WHR1: variants seen among roughly 807,000 people sequenced by gnomAD.
WHR1 encodes MHC class III HLA-RP1.
chr6:31,975,641 A>AT, the WHR1 span, among the ~76,000 whole-genome samples: 14,741 of 124,800 alleles, frequency 0.12, 1,115 homozygotes, highest in African/African-American at 0.22. Flanking sequence ...TAATTCCACT[A>AT]TTTTTTTTTT....
chr6:31,976,090 AC>A, the WHR1 span, among the ~76,000 whole-genome samples: 1 of 118,794 alleles, frequency 8.4e-6, no homozygotes, highest in African/African-American at 3.3e-5. Flanking sequence ...TGGGGGGCTG[AC>A]CCCCCACCTC....
the WHR1 span, chr6:31,979,071 G>C: frequency 2.7e-6 from 4 of 1,499,594 alleles, no homozygotes; most frequent in Non-Finnish European, 3.7e-6. Context: ...TTGGGAAACA[G>C]AAATAAAAAC....
chr6:31,971,444 G>C, the WHR1 span: 1 of 1,613,500 alleles, frequency 6.2e-7, no homozygotes, highest in Non-Finnish European at 8.5e-7. This position sits in a 1 kb window ranked among gnomAD's most constrained non-coding sequence, Gnocchi z 4.5. Flanking sequence ...TTGGGGCCTG[G>C]ACCGTTAGTG....
chr6:31,972,191 G>T, the WHR1 span: 16 of 1,611,700 alleles, frequency 9.9e-6, no homozygotes, highest in Non-Finnish European at 1.4e-5. The surrounding 1 kb of genome is among the most constrained non-coding windows in gnomAD (Gnocchi z 6.3). Context: ...GCCGGCGTGG[G>T]GCCCGGCCTG....
chr6:31,976,959 A>T, the WHR1 span, among the ~76,000 whole-genome samples: 1 of 152,212 alleles, frequency 6.6e-6, no homozygotes, highest in Non-Finnish European at 1.5e-5. Context: ...CAGGAGAGTC[A>T]GGCAGGGAGG....
chr6:31,973,719 A>T, the WHR1 span, among the ~76,000 whole-genome samples: 1 of 152,182 alleles, frequency 6.6e-6, no homozygotes, highest in Non-Finnish European at 1.5e-5. Flanking sequence ...GGGAAACACC[A>T]TCATTTAAGG....
chr6:31,979,705 G>A, the WHR1 span: 7 of 1,009,192 alleles, frequency 6.9e-6, no homozygotes, highest in Non-Finnish European at 9.9e-6. Context: ...ACCCAAGTTT[G>A]TATTCCTCCC....
the WHR1 span, chr6:31,971,738 G>T: frequency 6.6e-7 from 1 of 1,510,634 alleles, no homozygotes; most frequent in South Asian, 1.2e-5. The surrounding 1 kb of genome is among the most constrained non-coding windows in gnomAD (Gnocchi z 4.5). Context: ...GGAGAAGGAT[G>T]ACTGGTTTAG....
the WHR1 span, chr6:31,972,559 A>C: frequency 6.3e-7 from 1 of 1,595,184 alleles, no homozygotes; most frequent in African/African-American, 1.3e-5. This position sits in a 1 kb window ranked among gnomAD's most constrained non-coding sequence, Gnocchi z 6.3. Context: ...GGTAGCCGAG[A>C]GTTTTGTTAG....
the WHR1 span, among the ~76,000 whole-genome samples, chr6:31,976,444 CG>C: frequency 6.7e-6 from 1 of 149,534 alleles, no homozygotes; most frequent in African/African-American, 2.5e-5. Context: ...ACATCCCAGA[CG>C]GGGCGGCGGG....
chr6:31,971,485 G>T, the WHR1 span: 6 of 1,614,026 alleles, frequency 3.7e-6, no homozygotes, highest in African/African-American at 6.7e-5. The surrounding 1 kb of genome is among the most constrained non-coding windows in gnomAD (Gnocchi z 4.5). Flanking sequence ...CAGGGCTCGG[G>T]CATCTCCATG....
the WHR1 span, chr6:31,972,584 C>T: frequency 8.1e-6 from 13 of 1,598,638 alleles, no homozygotes; most frequent in Non-Finnish European, 1.0e-5. The surrounding 1 kb of genome is among the most constrained non-coding windows in gnomAD (Gnocchi z 6.3). Context: ...GCGTCCCCGC[C>T]CCAGTTCCCT....
the WHR1 span, chr6:31,971,919 A>G: frequency 3.9e-6 from 6 of 1,534,392 alleles, no homozygotes; most frequent in Non-Finnish European, 5.3e-6. This position sits in a 1 kb window ranked among gnomAD's most constrained non-coding sequence, Gnocchi z 4.5. Context: ...CAGATCAAGA[A>G]TCCAGTTACC....
the WHR1 span, chr6:31,980,500 T>G: frequency 9.9e-6 from 16 of 1,613,014 alleles, no homozygotes; most frequent in Non-Finnish European, 1.3e-5. Context: ...TGGGAGCTGG[T>G]GGCTAGCTGT....
chr6:31,974,592 T>C, the WHR1 span, among the ~76,000 whole-genome samples: 113 of 152,218 alleles, frequency 7.4e-4, no homozygotes, highest in Middle Eastern at 0.014. Context: ...AATAAATAAA[T>C]TAAAACACAA....
the WHR1 span, chr6:31,978,956 G>A: frequency 6.2e-6 from 10 of 1,612,498 alleles, no homozygotes; most frequent in East Asian, 2.2e-4. Context: ...GCTTCGACTT[G>A]GATGCCCATG....
At chr6:31,972,220 T>C in the WHR1 span, 3 of 1,612,724 alleles carry the variant, frequency 1.9e-6, no homozygotes, top group Admixed American at 5.0e-5. The surrounding 1 kb of genome is among the most constrained non-coding windows in gnomAD (Gnocchi z 6.3). Context: ...GATGCTGGTA[T>C]GTGCGTCGCC....
the WHR1 span, among the ~76,000 whole-genome samples, chr6:31,978,371 C>T: frequency 6.6e-6 from 1 of 152,120 alleles, no homozygotes; most frequent in Non-Finnish European, 1.5e-5. Flanking sequence ...CTCCTGTCCT[C>T]AATTGATCCT....
the WHR1 span, among the ~76,000 whole-genome samples, chr6:31,978,151 T>C: frequency 3.9e-5 from 6 of 152,148 alleles, no homozygotes; most frequent in Non-Finnish European, 8.8e-5. Flanking sequence ...TCTAAACAAT[T>C]TTTTTTAAGA....
Sources: allele counts gnomAD v4.1 joint callset (sites outside exome capture counted in the v4.1 genomes callset), GRCh38; gene constraint gnomAD v4.1.1; non-coding constraint Gnocchi (gnomAD v3.1); transcripts MANE v1.5; gene names NCBI Gene and HGNC (gene_info 2026-07-23, HGNC 2026-07-21).